The following SEC22A variants were observed in gnomAD, a reference collection of about 807,000 sequenced individuals.
The protein encoded by SEC22A is SEC22 homolog A, vesicle trafficking protein, also known as vesicle-trafficking protein SEC22a.
SEC22A carries 22 observed loss-of-function variants against 35.3 expected under a neutral mutation model. The ratio of observed to expected loss-of-function variants is 0.62; its 90% CI spans 0.45 to 0.89. The LOEUF is 0.89. SEC22A is among the 40% of genes least tolerant of loss of function. The probability of loss-of-function intolerance (pLI) is 0.00; values close to 1 mark genes in which losing one functional copy is unlikely to be tolerated. For synonymous variants in SEC22A, 119 were observed against 129.5 expected, an observed-to-expected ratio of 0.92 and a Z score of 0.55; for missense variants, 354 against 362.5, an observed-to-expected ratio of 0.98 and a Z score of 0.19.
At chr3:123,215,794 A>G (rs1366869173) in intron 2 of SEC22A, among the ~76,000 whole-genome samples, 4 of 152,142 alleles carry the variant, frequency 2.6e-5, no homozygotes, top group Non-Finnish European at 4.4e-5. Flanking sequence ...TAATTCTCCC[A>G]ATTCTTTTCA....
intron 4 of SEC22A, among the ~76,000 whole-genome samples, chr3:123,243,516 C>T (rs1442982257): frequency 1.3e-5 from 2 of 152,162 alleles, no homozygotes; most frequent in Admixed American, 1.3e-4. Flanking sequence ...ATCTTCAAAG[C>T]TCTTTCCTGG....
At chr3:123,212,860 A>G (rs1475936411) in intron 2 of SEC22A, among the ~76,000 whole-genome samples, 2 of 152,182 alleles carry the variant, frequency 1.3e-5, no homozygotes, top group Non-Finnish European at 1.5e-5. Flanking sequence ...GGTTGCAGAT[A>G]TTACCGTTGA....
At chr3:123,202,519 A>G (rs780359488) in intron 1 of SEC22A, among the ~76,000 whole-genome samples, 13 of 152,094 alleles carry the variant, frequency 8.5e-5, no homozygotes, top group Non-Finnish European at 1.8e-4. Flanking sequence ...GCGTTGGCTC[A>G]CGGAAATCTC....
chr3:123,245,225 A>G (rs1203829467), intron 4 of SEC22A, among the ~76,000 whole-genome samples: 1 of 152,218 alleles, frequency 6.6e-6, no homozygotes, highest in Non-Finnish European at 1.5e-5. Context: ...GCATTTTCAG[A>G]AAAAGTAGGA....
intron 2 of SEC22A, among the ~76,000 whole-genome samples, chr3:123,219,766 G>C (rs1328559523): frequency 2.0e-5 from 3 of 152,164 alleles, no homozygotes; most frequent in African/African-American, 7.2e-5. Flanking sequence ...GATGAACACA[G>C]CAAAAGCATG....
intron 2 of SEC22A, among the ~76,000 whole-genome samples, chr3:123,220,881 C>CATATATATATATATATATATATATATAT (rs755724948): frequency 1.1e-5 from 1 of 93,168 alleles, no homozygotes; most frequent in Non-Finnish European, 2.3e-5. Flanking sequence ...TATATATATA[C>CATATATATATATATATATATATATATAT]ATATATATAT....
chr3:123,210,965 G>A (rs1936932253), intron 2 of SEC22A, among the ~76,000 whole-genome samples: 2 of 152,162 alleles, frequency 1.3e-5, no homozygotes, highest in African/African-American at 2.4e-5. Flanking sequence ...ATGGATAGTT[G>A]TGAGACATGC....
intron 2 of SEC22A, among the ~76,000 whole-genome samples, 172 bp from the exon 3 acceptor site, chr3:123,223,387 A>C (rs549080888): frequency 6.6e-6 from 1 of 152,250 alleles, no homozygotes; most frequent in South Asian, 2.1e-4. Context: ...CCACAACTTA[A>C]AATAGTGCTG....
At chr3:123,230,618 C>A in intron 4 of SEC22A, among the ~76,000 whole-genome samples, 1 of 144,954 alleles carries the variant, frequency 6.9e-6, no homozygotes, top group South Asian at 2.2e-4. Context: ...ACATGGTAAG[C>A]TTAGAGCAAC....
chr3:123,264,062 C>A (rs1937963517), intron 6 of SEC22A, among the ~76,000 whole-genome samples: 1 of 151,878 alleles, frequency 6.6e-6, no homozygotes, highest in South Asian at 2.1e-4. Flanking sequence ...CTGCCACACC[C>A]AGCTAATTTT....
intron 4 of SEC22A, among the ~76,000 whole-genome samples, chr3:123,241,134 A>C (rs1043996200): frequency 6.6e-6 from 1 of 152,118 alleles, no homozygotes; most frequent in Non-Finnish European, 1.5e-5. Context: ...AATACAGTAA[A>C]CACATTAACT....
At chr3:123,232,097 G>C (rs1937335292) in intron 4 of SEC22A, among the ~76,000 whole-genome samples, 1 of 152,072 alleles carries the variant, frequency 6.6e-6, no homozygotes, top group Admixed American at 6.5e-5. Flanking sequence ...AAAATTAGCT[G>C]AGCATGGTGG....
chr3:123,203,053 CTTTTTTTTTTTTTTTTTTTTTT>C (rs779433710), intron 1 of SEC22A, among the ~76,000 whole-genome samples: 7 of 43,822 alleles, frequency 1.6e-4, no homozygotes, highest in Non-Finnish European at 2.3e-4. Flanking sequence ...TGTTTAGTGC[CTTTTTTTTTTTTTTTTTTTTTT>C]TTTTTTTTTT....
At chr3:123,266,068 C>T (rs1253890061) in intron 6 of SEC22A, among the ~76,000 whole-genome samples, 1 of 152,088 alleles carries the variant, frequency 6.6e-6, no homozygotes, top group East Asian at 1.9e-4. Flanking sequence ...ATCTAAGTTA[C>T]CAAATTTATG....
chr3:123,230,699 CAAAA>C (rs376679473), intron 4 of SEC22A, among the ~76,000 whole-genome samples: 275 of 47,386 alleles, frequency 5.8e-3, no homozygotes, highest in African/African-American at 0.021. Context: ...TCACTTCATG[CAAAA>C]AAAAAAAAAA....
chr3:123,235,388 T>A (rs549355703), intron 4 of SEC22A, among the ~76,000 whole-genome samples: 22 of 152,348 alleles, frequency 1.4e-4, no homozygotes, highest in South Asian at 6.2e-4. Flanking sequence ...CTAGGCATTT[T>A]TGCAAAGAAG....
At chr3:123,216,502 T>C (rs573011299) in intron 2 of SEC22A, among the ~76,000 whole-genome samples, 1 of 152,360 alleles carries the variant, frequency 6.6e-6, no homozygotes, top group East Asian at 1.9e-4. Flanking sequence ...TATTAATAAA[T>C]ATTTTCATTT....
intron 6 of SEC22A, among the ~76,000 whole-genome samples, chr3:123,264,774 A>G (rs1157921165): frequency 6.6e-6 from 1 of 151,742 alleles, no homozygotes; most frequent in African/African-American, 2.4e-5. Flanking sequence ...GATTACAGGT[A>G]CCCACCATCA....
intron 4 of SEC22A, among the ~76,000 whole-genome samples, chr3:123,239,602 G>GT (rs1937488638): frequency 6.6e-6 from 1 of 152,048 alleles, no homozygotes; most frequent in Non-Finnish European, 1.5e-5. Context: ...TTTTTCATGT[G>GT]TTTTTTGGCT....
Sources: allele counts gnomAD v4.1 joint callset (sites outside exome capture counted in the v4.1 genomes callset), GRCh38; gene constraint gnomAD v4.1.1; transcripts MANE v1.5; gene names NCBI Gene and HGNC (gene_info 2026-07-23, HGNC 2026-07-21).